The following IQGAP2 variants were observed in gnomAD, a reference collection of about 807,000 sequenced individuals.
The protein encoded by IQGAP2 is ras GTPase-activating-like protein IQGAP2.
A neutral mutation model predicts 201.3 loss-of-function variants in IQGAP2; 173 were observed. The ratio of observed to expected loss-of-function variants is 0.86; its 90% CI spans 0.76 to 0.98. The LOEUF (loss-of-function observed/expected upper bound fraction) is 0.98, where lower values mean the gene tolerates loss of function less well. IQGAP2 is among the 50% of genes least tolerant of loss of function. The pLI, the probability that IQGAP2 is intolerant of heterozygous loss-of-function variation, is 0.00. For synonymous variants in IQGAP2, 675 were observed against 673.9 expected (o/e 1.00, Z -0.03); for missense variants, 1,687 against 1,864.8 (o/e 0.90, Z 1.76).
chr5:76,546,469 A>G (rs772668551), intron 2 of IQGAP2, among the ~76,000 whole-genome samples: 4 of 152,118 alleles, frequency 2.6e-5, no homozygotes, highest in Admixed American at 1.3e-4. Context: ...TTTTATTTGT[A>G]GTGCACTATA....
At chr5:76,561,229 T>C (rs1367312640) in intron 2 of IQGAP2, among the ~76,000 whole-genome samples, 1 of 152,162 alleles carries the variant, frequency 6.6e-6, no homozygotes, top group Non-Finnish European at 1.5e-5. Flanking sequence ...AAGTGAAACC[T>C]TGGATAAGGG....
At chr5:76,601,110 C>T (rs1450653800) in intron 11 of IQGAP2, 138 bp downstream of exon 11, 8 of 722,534 alleles carry the variant, frequency 1.1e-5, no homozygotes, top group Non-Finnish European at 1.8e-5. Flanking sequence ...TTTTAAGAGT[C>T]CTTCTAATTA....
At chr5:76,681,703 A>G (rs867061433) in intron 28 of IQGAP2, among the ~76,000 whole-genome samples, 1 of 152,302 alleles carries the variant, frequency 6.6e-6, no homozygotes, top group Middle Eastern at 3.4e-3. Context: ...ATTAAAAAAA[A>G]TTAAACATAG....
At chr5:76,612,872 C>G (rs1748532304) in intron 13 of IQGAP2, among the ~76,000 whole-genome samples, 1 of 152,114 alleles carries the variant, frequency 6.6e-6, no homozygotes. Flanking sequence ...CGTTTTTGTA[C>G]TGCTTGGATT....
chr5:76,676,249 C>T (rs1433347737), intron 27 of IQGAP2, among the ~76,000 whole-genome samples: 2 of 152,202 alleles, frequency 1.3e-5, no homozygotes, highest in East Asian at 1.9e-4. Flanking sequence ...CTCTTCTAAA[C>T]TTGTCCTTTC....
At chr5:76,412,927 T>C (rs1467800416) in intron 1 of IQGAP2, among the ~76,000 whole-genome samples, 1 of 152,128 alleles carries the variant, frequency 6.6e-6, no homozygotes, top group Non-Finnish European at 1.5e-5. Context: ...AATGATTTAA[T>C]AGATGGAAAC....
In IQGAP2 at chr5:76,428,766, C is replaced by T. The variant is rs73116059; in HGVS notation, c.46+25175C>T. Among the ~76,000 whole-genome samples, 284 of 146,514 alleles carry T rather than the reference C, an allele frequency of 1.9e-3. 1 individual carries two copies. The highest frequency in any genetic ancestry group is 6.6e-3 in the African/African-American group (267 of 40,492). On this transcript the variant is annotated intron_variant, in intron 1 of 35. Transcript: ENST00000274364. Reference sequence around the variant, plus strand: ...AATCTGTAAGTGGGCAGCGTCTTTCCATTGCTTACTAAACCAACTTACTTA... The same window carrying T: ...AATCTGTAAGTGGGCAGCGTCTTTCTATTGCTTACTAAACCAACTTACTTA...
chr5:76,403,560 G>A lies in IQGAP2; in HGVS notation c.15G>A (p.Glu5=), dbSNP rs2150064156. Residue 5 remains glutamate (E), a synonymous_variant, in exon 1 of 36, where the codon GAG becomes GAA. Transcript: ENST00000274364. The surrounding 1 kb of genome is among the most constrained non-coding windows in gnomAD (Gnocchi z 4.8). ...AGACGCGCAGGATGCCACACGAAGA[G>A]CTGCCGTCGCTGCAGAGACCCCGCT... is the stretch of plus-strand genomic sequence containing the variant. MPHE[E]LPSLQRPRYG... The A allele has an allele frequency of 6.5e-7, 1 of 1,537,342 alleles. No homozygotes were observed. The highest frequency in any genetic ancestry group is 1.2e-5 in the South Asian group (1 of 82,802).
intron 17 of IQGAP2, among the ~76,000 whole-genome samples, chr5:76,650,382 A>G (rs545938119): frequency 1.3e-5 from 2 of 152,368 alleles, no homozygotes; most frequent in Non-Finnish European, 2.9e-5. Context: ...ATAGGTACAC[A>G]GGTATGTATA....
At chr5:76,658,321 G>T in intron 20 of IQGAP2, 138 bp from the exon 21 acceptor site, 1 of 709,224 alleles carries the variant, frequency 1.4e-6, no homozygotes. Flanking sequence ...GTGTGGGGGT[G>T]GGTAGAATGA....
At chr5:76,667,726 CTCTG>C (rs1743905050) in intron 22 of IQGAP2, among the ~76,000 whole-genome samples, 1 of 152,166 alleles carries the variant, frequency 6.6e-6, no homozygotes, top group African/African-American at 2.4e-5. Context: ...CCCCTTCTCA[CTCTG>C]TGTAGAACAT....
chr5:76,608,191 C>T (rs1291383312), intron 12 of IQGAP2: 1 of 152,298 alleles, frequency 6.6e-6, no homozygotes, highest in South Asian at 2.1e-4. Context: ...TGGCTTTTAT[C>T]TATCAAGGTA....
At chr5:76,534,776 G>T (rs1759521935) in intron 2 of IQGAP2, among the ~76,000 whole-genome samples, 2 of 152,246 alleles carry the variant, frequency 1.3e-5, no homozygotes, top group South Asian at 4.1e-4. Context: ...GTCAGATCAA[G>T]GCTTATTATC....
In IQGAP2 at chr5:76,631,995, T is replaced by G; in HGVS notation, c.1749T>G (p.Leu583=). 1 of 1,609,906 alleles carries G rather than the reference T, an allele frequency of 6.2e-7. No individual in the cohort carries two copies. ...PECADKYYDA[L]VKAKELKSER... ...GTGCTGACAAATACTATGATGCCCT[T>G]GTGAAGGCAAAAGAGCTCAAATCTG... Residue 583 remains leucine (L), a synonymous_variant, in exon 15 of 36, where the codon CTT becomes CTG. Transcript: ENST00000274364.
chr5:76,527,296 C>T (rs1405208237), intron 2 of IQGAP2, among the ~76,000 whole-genome samples: 1 of 152,200 alleles, frequency 6.6e-6, no homozygotes, highest in African/African-American at 2.4e-5. Flanking sequence ...AAAGTGTGCA[C>T]TTGCTAGTCT....
At chr5:76,683,732 CAA>C in intron 29 of IQGAP2, 42 bp from the exon 30 acceptor site, 1 of 1,568,760 alleles carries the variant, frequency 6.4e-7, no homozygotes, top group African/African-American at 1.4e-5. Context: ...GCCATCATCA[CAA>C]AGAGTGAATT....
intron 2 of IQGAP2, among the ~76,000 whole-genome samples, chr5:76,497,339 T>C (rs1357591345): frequency 6.6e-6 from 1 of 152,144 alleles, no homozygotes; most frequent in Admixed American, 6.5e-5. Flanking sequence ...CCAAGGGAGC[T>C]TTTCAGGACC....
rs546504319 is a variant in IQGAP2 at position 76,404,626 on chromosome 5, C to T, written c.46+1035C>T. On this transcript the variant is annotated intron_variant, in intron 1 of 35. Transcript: ENST00000274364. ...GATGGTGCGTAAGGCCACTGACTTGCTTAACTGAAAAAGGGCTCCTCAACT... is the reference window on the plus strand; with the variant it reads ...GATGGTGCGTAAGGCCACTGACTTGTTTAACTGAAAAAGGGCTCCTCAACT... 114 of 317,646 alleles carry T rather than the reference C, an allele frequency of 3.6e-4. 1 individual carries two copies. In the Admixed American group the frequency reaches 7.0e-3, roughly 19 times the overall value. The allele number at this position is 317,646 out of a possible 1,614,324, so 19.7% of individuals were successfully genotyped here. A position where few individuals can be genotyped will look rare whatever the true frequency, so the allele number is the denominator to read the frequency against.
chr5:76,619,509 ATCT>A, intron 13 of IQGAP2, among the ~76,000 whole-genome samples: 2 of 140,404 alleles, frequency 1.4e-5, no homozygotes, highest in East Asian at 2.1e-4. Context: ...TTAGTTAAGG[ATCT>A]TCTTTTTTTT....
Sources: gnomAD v4.1 joint callset for allele counts (sites outside exome capture counted in the v4.1 genomes callset) on GRCh38, gnomAD v4.1.1 for gene constraint, Gnocchi (gnomAD v3.1) non-coding constraint, MANE v1.5 for transcripts, NCBI Gene and HGNC (gene_info 2026-07-23, HGNC 2026-07-21) for gene names.